HSPG2: variants seen among roughly 807,000 people sequenced by gnomAD.
HSPG2 encodes the protein heparan sulfate proteoglycan 2.
In HSPG2, 278 loss-of-function variants were observed where a neutral mutation model predicts 526.6. That is an observed-to-expected ratio of 0.53 (90% CI 0.48 to 0.58). The LOEUF (loss-of-function observed/expected upper bound fraction) is 0.58, where lower values mean the gene tolerates loss of function less well. Ranked by LOEUF, HSPG2 falls within the 20% of genes least tolerant of loss-of-function variation. The pLI is 0.00. For missense variants in HSPG2, 5,354 were observed against 6,099.5 expected, an observed-to-expected ratio of 0.88 and a Z score of 4.07; for synonymous variants, 2,465 against 2,555.4, an observed-to-expected ratio of 0.96 and a Z score of 1.07.
At chr1:21,897,791 C>T (rs1247269273) in intron 1 of HSPG2, among the ~76,000 whole-genome samples, 2 of 152,152 alleles carry the variant, frequency 1.3e-5, no homozygotes, top group Non-Finnish European at 2.9e-5. Flanking sequence ...AGAGACACTT[C>T]TGGGGTGATG....
intron 1 of HSPG2, among the ~76,000 whole-genome samples, chr1:21,918,323 G>T (rs958735674): frequency 3.9e-5 from 6 of 152,094 alleles, no homozygotes; most frequent in Admixed American, 3.9e-4. Flanking sequence ...AAATTAGCAG[G>T]GTGTGGTGGC....
Position 21,855,610 on chromosome 1 carries a change from C to A in HSPG2, c.5767G>T (p.Val1923Phe). 1 of 1,581,616 alleles carries A rather than the reference C, an allele frequency of 6.3e-7. No individual in the cohort carries two copies. ...TACTGGGCCTGATCCGTGGGCTCGACAGCTGGCAGGCGCAGGATGCCGCCG... is the reference window on the plus strand; with the variant it reads ...TACTGGGCCTGATCCGTGGGCTCGAAAGCTGGCAGGCGCAGGATGCCGCCG... ...IHGGILRLPA[V>F]EPTDQAQYLC... Residue 1923 changes from valine to phenylalanine, a missense_variant, in exon 46 of 97, where the codon GTC (valine) becomes TTC (phenylalanine). Transcript: ENST00000374695.
intron 1 of HSPG2, among the ~76,000 whole-genome samples, chr1:21,934,797 AT>A (rs778485846): frequency 2.0e-5 from 3 of 152,054 alleles, no homozygotes; most frequent in Non-Finnish European, 2.9e-5. Context: ...GGGTTTCACT[AT>A]GCTGGCCAGG....
chr1:21,888,698 G>A, intron 6 of HSPG2: 1 of 1,365,558 alleles, frequency 7.3e-7, no homozygotes, highest in Non-Finnish European at 9.8e-7. Flanking sequence ...ACAGCGGCCG[G>A]CGGGGGTGGG....
Position 21,881,464 on chromosome 1 carries a change from G to A in HSPG2, c.1693C>T (p.Pro565Ser). 1 of 1,613,194 alleles carries A rather than the reference G, an allele frequency of 6.2e-7. No individual in the cohort carries two copies. Among genetic ancestry groups the A allele is most frequent in the Non-Finnish European group, 8.5e-7 (1 of 1,180,024 alleles). The change falls in exon 14 of 97, where the codon CCC (proline) becomes TCC (serine). Residue 565 changes from proline (P) to serine (S), a missense_variant. Coordinates refer to ENST00000374695, the MANE Select transcript of HSPG2 (RefSeq NM_005529.7). ...ATCTGCAGCTGCGTGGAGGAGAGGGGTGGCGTGCCGGGCTGCGCAGGCATT... is the reference window on the plus strand; with the variant it reads ...ATCTGCAGCTGCGTGGAGGAGAGGGATGGCGTGCCGGGCTGCGCAGGCATT... ...VTMPAQPGTPPLSSTQLQIDP... is the reference protein window; with the variant it reads ...VTMPAQPGTPSLSSTQLQIDP...
chr1:21,832,581 C>A lies in HSPG2; in HGVS notation c.11121G>T (p.Lys3707Asn). ...ADGMLLYNGQ[K>N]RVPGSPTNLA... ...GGTTGGTGGGGCTCCCTGGGACTCG[C>A]TTCTGCCCATTGTACAGCAGCATCC... Residue 3707 changes from lysine (K) to asparagine (N), a missense_variant, in exon 81 of 97, where the codon AAG becomes AAT. Coordinates refer to ENST00000374695, the MANE Select transcript of HSPG2 (RefSeq NM_005529.7). 6.2e-7 allele frequency: 1 copy of A among 1,614,172 alleles called. No homozygotes were observed. Among genetic ancestry groups the A allele is most frequent in the African/African-American group, 1.3e-5 (1 of 75,066 alleles).
rs983411740 is a variant in HSPG2 at position 21,936,703 on chromosome 1, T to C, written c.63+452A>G. Among the ~76,000 whole-genome samples, 4 of 152,226 alleles carry C rather than the reference T, an allele frequency of 2.6e-5. No homozygotes were observed. The South Asian group carries it at 6.2e-4, about 24-fold the overall frequency. ...CCTGGGTCCAAGCTCCCCAAGGTGA[T>C]AGACGGTGTGGTAAAGTTTCAGCGA... is the stretch of plus-strand genomic sequence containing the variant. On this transcript the variant is annotated intron_variant, in intron 1 of 96. Transcript: ENST00000374695.
At position 21,873,942 on chromosome 1, in the gene HSPG2, A is replaced by G. The variant is rs769764385; in HGVS notation, c.3726T>C (p.Ser1242=). The G allele has an allele frequency of 5.6e-6, 9 of 1,598,342 alleles. No individual in the cohort carries two copies. In the South Asian group the frequency reaches 5.7e-5, roughly 10 times the overall value. ...PTCDACSPGH[S]GRHCERCAPG... ...TGCCTCACCTCTCACAGTGACGCCC[A>G]CTGTGGCCTGGGGAGCACGCATCAC... The change falls in exon 29 of 97, where the codon AGT becomes AGC. Residue 1242 remains serine (S), a synonymous_variant. Coordinates refer to ENST00000374695, the MANE Select transcript of HSPG2 (RefSeq NM_005529.7).
At chr1:21,918,544 T>C (rs1643944993) in intron 1 of HSPG2, among the ~76,000 whole-genome samples, 1 of 152,072 alleles carries the variant, frequency 6.6e-6, no homozygotes, top group South Asian at 2.1e-4. Flanking sequence ...ACTATATTTA[T>C]TTAACACTAT....
chr1:21,935,816 G>A (rs1046504984), intron 1 of HSPG2, among the ~76,000 whole-genome samples: 3 of 152,202 alleles, frequency 2.0e-5, no homozygotes, highest in Non-Finnish European at 4.4e-5. Flanking sequence ...AGACTAGGGA[G>A]CTACTGGATG....
At chr1:21,829,242 G>T in intron 87 of HSPG2, 141 bp downstream of exon 87, 1 of 1,343,808 alleles carries the variant, frequency 7.4e-7, no homozygotes, top group Non-Finnish European at 1.0e-6. Context: ...GGCCTCAAGT[G>T]ACACAGAGAC....
In HSPG2 at chr1:21,865,204, A is replaced by G; in HGVS notation, c.4395+81T>C. The G allele has an allele frequency of 6.6e-7, 1 of 1,514,586 alleles. No individual in the cohort carries two copies. Among genetic ancestry groups the G allele is most frequent in the Non-Finnish European group, 9.2e-7 (1 of 1,089,534 alleles). 93.8% of individuals were successfully genotyped at this position (1,514,586 alleles called of 1,614,324 possible). The stretch of plus-strand genomic sequence containing the variant: ...AGGTGAAGGTTGGGGAGCGAGAGAC[A>G]GGGTGGGTATCAAAGCCAGGCTCTG... On this transcript the variant is annotated intron_variant, in intron 35 of 96. Transcript: ENST00000374695. The surrounding 1 kb of genome is among the most constrained non-coding windows in gnomAD (Gnocchi z 5.4).
In HSPG2 at chr1:21,857,403, C is replaced by T; in HGVS notation, c.5294-18G>A. On this transcript the variant is annotated intron_variant, in intron 42 of 96. Transcript: ENST00000374695. ...TGGAGCCTCTGCAGGGACGGGAAGC[C>T]CCCCTGTGAGCCGGTGCTGGCTAGG... The T allele has an allele frequency of 6.2e-7, 1 of 1,610,616 alleles. No individual in the cohort carries two copies. Among genetic ancestry groups the T allele is most frequent in the Non-Finnish European group, 8.5e-7 (1 of 1,178,192 alleles).
At chr1:21,862,141 C>A in intron 37 of HSPG2, 26 bp from the exon 38 acceptor site, 1 of 1,609,562 alleles carries the variant, frequency 6.2e-7, no homozygotes, top group East Asian at 2.2e-5. Context: ...AGGGCAGGCA[C>A]CAGCCATTAG....
intron 1 of HSPG2, among the ~76,000 whole-genome samples, chr1:21,901,660 C>T (rs1054165951): frequency 2.0e-5 from 3 of 152,090 alleles, no homozygotes; most frequent in African/African-American, 7.2e-5. Flanking sequence ...CGACTGCCCC[C>T]GCAGCTAGGC....
intron 52 of HSPG2, among the ~76,000 whole-genome samples, chr1:21,852,471 G>C (rs911118591): frequency 6.6e-6 from 1 of 152,248 alleles, no homozygotes; most frequent in Admixed American, 6.5e-5. Flanking sequence ...AGATGAGTTG[G>C]AGAGAGGAAG....
At position 21,829,416 on chromosome 1, in the gene HSPG2, C is replaced by T. The variant is rs755184935; in HGVS notation, c.11959G>A (p.Gly3987Ser). The T allele has an allele frequency of 1.1e-5, 17 of 1,613,388 alleles. No homozygotes were observed. Among genetic ancestry groups the T allele is most frequent in the South Asian group, 3.3e-5 (3 of 91,080 alleles). ...AACTCATAGCGGAACTCCAGGTGGC[C>T]GCCCACCATCGCCAGGGACACGAAG... is the stretch of plus-strand genomic sequence containing the variant. ...EDFVSLAMVG[G>S]HLEFRYELGS... Residue 3987 changes from glycine (G) to serine (S), a missense_variant, in exon 87 of 97, where the codon GGC becomes AGC. Coordinates refer to ENST00000374695, the MANE Select transcript of HSPG2 (RefSeq NM_005529.7).
Position 21,873,294 on chromosome 1 carries a change from G to T in HSPG2, c.3793+81C>A. On this transcript the variant is annotated intron_variant, in intron 30 of 96. Transcript: ENST00000374695. ...ACAGGCTCGGACAGGCAAAGCCAAA[G>T]GGGAGTAAAGGCTTCTGTCCTAGCT... 1.4e-5 allele frequency: 21 copies of T among 1,504,934 alleles called. No individual in the cohort carries two copies. In the South Asian group the frequency reaches 2.4e-4, roughly 17 times the overall value. 93.2% of individuals were successfully genotyped at this position (1,504,934 alleles called of 1,614,324 possible).
At chr1:21,889,844 G>C (rs754223000) in intron 6 of HSPG2, 137 bp downstream of exon 6, 13 of 883,296 alleles carry the variant, frequency 1.5e-5, no homozygotes, top group Middle Eastern at 4.4e-4. Flanking sequence ...TGTAAAGATC[G>C]ATGGGGCAGA....
Sources: allele counts gnomAD v4.1 joint callset (sites outside exome capture counted in the v4.1 genomes callset), GRCh38; gene constraint gnomAD v4.1.1; non-coding constraint Gnocchi (gnomAD v3.1); transcripts MANE v1.5; gene names NCBI Gene and HGNC (gene_info 2026-07-23, HGNC 2026-07-21).